Variants in FBN2 observed in about 807,000 individuals in gnomAD.
FBN2 encodes the protein fibrillin-2.
A neutral mutation model predicts 355.6 loss-of-function variants in FBN2; 105 were observed. The ratio of observed to expected loss-of-function variants is 0.30; its 90% CI spans 0.25 to 0.35. FBN2 has a LOEUF of 0.35. FBN2 is among the 10% of genes least tolerant of loss of function. FBN2 has a pLI of 1.00. For missense variants in FBN2, 3,280 were observed against 3,758.7 expected (o/e 0.87, Z 3.33); for synonymous variants, 1,350 against 1,301.2 (o/e 1.04, Z -0.81).
At chr5:128,369,541 G>A (rs930082860) in intron 15 of FBN2, among the ~76,000 whole-genome samples, 1 of 152,128 alleles carries the variant, frequency 6.6e-6, no homozygotes, top group South Asian at 2.1e-4. Flanking sequence ...GCATATCACC[G>A]ACTCTGTTTT....
intron 2 of FBN2, among the ~76,000 whole-genome samples, chr5:128,532,112 C>T (rs1022711263): frequency 3.9e-5 from 6 of 152,148 alleles, no homozygotes; most frequent in African/African-American, 1.4e-4. Flanking sequence ...CTTGGCCAAG[C>T]CTCAAGGGTT....
intron 34 of FBN2, among the ~76,000 whole-genome samples, 192 bp from the exon 35 acceptor site, chr5:128,319,193 T>C (rs1451766334): frequency 1.3e-5 from 2 of 152,214 alleles, no homozygotes; most frequent in South Asian, 4.2e-4. Context: ...AACTAAGATA[T>C]ACAAGAATAC....
intron 34 of FBN2, among the ~76,000 whole-genome samples, chr5:128,325,524 C>G (rs76994009): frequency 0.016 from 2,438 of 152,296 alleles, 29 homozygotes; most frequent in Non-Finnish European, 0.023. Context: ...GATGCGTTGC[C>G]TTTTCTATCT....
At chr5:128,490,020 C>T (rs1004197442) in intron 5 of FBN2, among the ~76,000 whole-genome samples, 1 of 152,094 alleles carries the variant, frequency 6.6e-6, no homozygotes, top group Admixed American at 6.6e-5. Flanking sequence ...TCAGTGAAAT[C>T]ATTTCATGGA....
intron 34 of FBN2, among the ~76,000 whole-genome samples, chr5:128,320,911 T>C (rs1230517105): frequency 6.6e-6 from 1 of 152,218 alleles, no homozygotes; most frequent in Non-Finnish European, 1.5e-5. Context: ...CAATAAATTA[T>C]AAGAAAATTA....
At chr5:128,273,176 G>A (rs1293585035) in intron 61 of FBN2, among the ~76,000 whole-genome samples, 1 of 152,136 alleles carries the variant, frequency 6.6e-6, no homozygotes, top group Admixed American at 6.6e-5. Flanking sequence ...GTGTTTATAA[G>A]ACACTAATCC....
chr5:128,431,330 A>G (rs896078893), intron 7 of FBN2, among the ~76,000 whole-genome samples: 2 of 152,208 alleles, frequency 1.3e-5, no homozygotes, highest in Non-Finnish European at 2.9e-5. Flanking sequence ...TTCTCTGGGA[A>G]ATATGTTCCA....
At chr5:128,452,750 G>A (rs567043947) in intron 6 of FBN2, among the ~76,000 whole-genome samples, 7 of 151,654 alleles carry the variant, frequency 4.6e-5, no homozygotes, top group South Asian at 2.1e-4. Context: ...TTATGGTTTC[G>A]GGGATACAGG....
At chr5:128,317,162 C>A (rs1261288899) in intron 36 of FBN2, among the ~76,000 whole-genome samples, 1 of 152,100 alleles carries the variant, frequency 6.6e-6, no homozygotes, top group Non-Finnish European at 1.5e-5. Flanking sequence ...GGCTGTGACT[C>A]CCCCATCCCT....
chr5:128,503,605 CT>C (rs1207796914), intron 5 of FBN2, among the ~76,000 whole-genome samples: 1 of 152,144 alleles, frequency 6.6e-6, no homozygotes, highest in Non-Finnish European at 1.5e-5. Flanking sequence ...CATTTTGCCC[CT>C]GTCCTAGAGG....
chr5:128,440,785 T>C (rs1753898074), intron 7 of FBN2, among the ~76,000 whole-genome samples: 1 of 152,218 alleles, frequency 6.6e-6, no homozygotes, highest in African/African-American at 2.4e-5. Flanking sequence ...TTTAATTTAA[T>C]TAACAGAAAA....
At chr5:128,299,812 C>T (rs1005847524) in intron 48 of FBN2, among the ~76,000 whole-genome samples, 9 of 152,232 alleles carry the variant, frequency 5.9e-5, no homozygotes, top group East Asian at 1.9e-4. Context: ...AGCTGTAGAC[C>T]GGAGCTGTTC....
chr5:128,320,833 G>A, intron 34 of FBN2, among the ~76,000 whole-genome samples: 1 of 152,042 alleles, frequency 6.6e-6, no homozygotes, highest in East Asian at 1.9e-4. Flanking sequence ...AATAAAAAAC[G>A]CTAAAAATTT....
chr5:128,416,090 G>A (rs896395450), intron 7 of FBN2, among the ~76,000 whole-genome samples: 2 of 150,600 alleles, frequency 1.3e-5, no homozygotes, highest in African/African-American at 4.9e-5. Flanking sequence ...GCAATGGGGC[G>A]ATCTCGGCTC....
At chr5:128,271,345 C>G (rs1765262592) in intron 62 of FBN2, among the ~76,000 whole-genome samples, 1 of 152,144 alleles carries the variant, frequency 6.6e-6, no homozygotes, top group Non-Finnish European at 1.5e-5. Flanking sequence ...AGAAATTAGG[C>G]ATATGCTAAG....
intron 57 of FBN2, 95 bp from the exon 58 acceptor site, chr5:128,278,100 A>G: frequency 8.1e-7 from 1 of 1,234,972 alleles, no homozygotes; most frequent in Non-Finnish European, 1.2e-6. Flanking sequence ...TGGAGATGAC[A>G]TAACTAACTG....
At chr5:128,504,705 C>T (rs1269209170) in intron 5 of FBN2, among the ~76,000 whole-genome samples, 4 of 152,108 alleles carry the variant, frequency 2.6e-5, no homozygotes, top group African/African-American at 7.2e-5. Flanking sequence ...TTTACAGGCT[C>T]CTAGGCAGAA....
rs1288611844 is a variant in FBN2 at position 128,310,017 on chromosome 5, C to T, written c.5166G>A (p.Glu1722=). Residue 1722 remains glutamate, a synonymous_variant, in exon 40 of 65, where the codon GAG becomes GAA. Transcript: ENST00000262464. ...LGNYTCICPP[E]YMQVNGGHNC... ...TGTGGCCTCCATTGACCTGCATGTA[C>T]TCAGGTGGGCAAATGCAGGTGTAAT... 2 of 1,613,750 alleles carry T rather than the reference C, an allele frequency of 1.2e-6. No homozygotes were observed. Among genetic ancestry groups the T allele is most frequent in the East Asian group, 2.2e-5 (1 of 44,886 alleles).
At chr5:128,434,392 G>GTGTATATATATATATATA (rs1554068942) in intron 7 of FBN2, among the ~76,000 whole-genome samples, 5 of 44,112 alleles carry the variant, frequency 1.1e-4, no homozygotes, top group Non-Finnish European at 1.8e-4. Context: ...TGAATAAAGT[G>GTGTATATATATATATATA]TGTATATATA....
Sources: gnomAD v4.1 joint callset for allele counts (sites outside exome capture counted in the v4.1 genomes callset) on GRCh38, gnomAD v4.1.1 for gene constraint, MANE v1.5 for transcripts, NCBI Gene and HGNC (gene_info 2026-07-23, HGNC 2026-07-21) for gene names.